Variants in RBM26 observed in about 807,000 individuals in gnomAD.
RBM26 encodes RNA-binding protein 26.
Under a neutral mutation model 123.6 loss-of-function variants are expected in RBM26, and 30 were observed. The ratio of observed to expected loss-of-function variants is 0.24; its 90% CI spans 0.18 to 0.33. The LOEUF is 0.33. Ranked by LOEUF, RBM26 falls within the 10% of genes least tolerant of loss-of-function variation. RBM26 has a pLI of 1.00. For synonymous variants in RBM26, 400 were observed against 404.4 expected, an observed-to-expected ratio of 0.99 and a Z score of 0.13; for missense variants, 947 against 1,203.6, an observed-to-expected ratio of 0.79 and a Z score of 3.15.
intron 14 of RBM26, among the ~76,000 whole-genome samples, chr13:79,346,461 C>G (rs1326132282): frequency 6.6e-6 from 1 of 152,144 alleles, no homozygotes; most frequent in Non-Finnish European, 1.5e-5. Context: ...CTCACTGAAA[C>G]TTCCACCTCA....
At chr13:79,377,121 A>T (rs766404684) in intron 3 of RBM26, 1 of 343,286 alleles carries the variant, frequency 2.9e-6, no homozygotes, top group Non-Finnish European at 5.4e-6. Flanking sequence ...GGACTTTGTA[A>T]GCTTGTGCTT....
chr13:79,388,315 C>T (rs1045431223), intron 1 of RBM26, among the ~76,000 whole-genome samples: 2 of 152,172 alleles, frequency 1.3e-5, no homozygotes, highest in East Asian at 1.9e-4. Flanking sequence ...AGGCTGGTCT[C>T]GAACTTCTGA....
chr13:79,320,310 T>C lies in RBM26; in HGVS notation c.*311A>G. On this transcript the variant is annotated 3_prime_UTR_variant, in exon 22 of 22. Coordinates refer to ENST00000438737, the MANE Select transcript of RBM26 (RefSeq NM_001366735.2). ...AGTTATAACAAGTATTGGTCATAAG[T>C]TTTCAGACCTATTCATTAAATTACA... The C allele has an allele frequency of 2.0e-6, 2 of 1,005,860 alleles. No individual in the cohort carries two copies. Among genetic ancestry groups the C allele is most frequent in the Non-Finnish European group, 2.4e-6 (2 of 840,636 alleles). The allele number at this position is 1,005,860 out of a possible 1,614,324, so 62.3% of individuals were successfully genotyped here. A position where few individuals can be genotyped will look rare whatever the true frequency, so the allele number is the denominator to read the frequency against.
intron 20 of RBM26, among the ~76,000 whole-genome samples, chr13:79,330,626 ATAAC>A (rs2069145116): frequency 6.6e-6 from 1 of 152,194 alleles, no homozygotes; most frequent in Admixed American, 6.5e-5. Context: ...TAACGATAAT[ATAAC>A]TAATATATAA....
Position 79,405,847 on chromosome 13 carries a change from C to A in RBM26, c.-73G>T. On this transcript the variant is annotated 5_prime_UTR_variant, in exon 1 of 22. Transcript: ENST00000438737. ...CGGCCGCTACAGCCGCCGCTGCCCC[C>A]GCCCCCTCCTCCGCGCGCCGCCCGC... 1.1e-6 allele frequency: 1 copy of A among 925,782 alleles called. No homozygotes were observed. Among genetic ancestry groups the A allele is most frequent in the East Asian group, 3.2e-5 (1 of 31,012 alleles). 57.3% of individuals were successfully genotyped at this position (925,782 alleles called of 1,614,324 possible).
At chr13:79,357,175 T>C (rs2074121301) in intron 11 of RBM26, among the ~76,000 whole-genome samples, 1 of 152,096 alleles carries the variant, frequency 6.6e-6, no homozygotes, top group Non-Finnish European at 1.5e-5. Flanking sequence ...AGGGAACCAT[T>C]TCCTTTAAAT....
At chr13:79,341,000 T>C (rs1445925234) in intron 18 of RBM26, 123 bp downstream of exon 18, 2 of 542,976 alleles carry the variant, frequency 3.7e-6, no homozygotes, top group Non-Finnish European at 6.3e-6. Context: ...CATCTCAATA[T>C]GTATGCCAGG....
At chr13:79,360,510 T>C (rs1026541992) in intron 9 of RBM26, among the ~76,000 whole-genome samples, 2 of 151,996 alleles carry the variant, frequency 1.3e-5, no homozygotes, top group Admixed American at 6.6e-5. Context: ...TATATATCAA[T>C]GCACAAATGA....
At chr13:79,404,118 T>C (rs2079299049) in intron 1 of RBM26, among the ~76,000 whole-genome samples, 1 of 152,234 alleles carries the variant, frequency 6.6e-6, no homozygotes, top group Non-Finnish European at 1.5e-5. Context: ...TTCAATGATC[T>C]GCTATCACAC....
intron 14 of RBM26, among the ~76,000 whole-genome samples, chr13:79,352,773 G>A (rs947138469): frequency 3.3e-5 from 5 of 152,128 alleles, no homozygotes; most frequent in East Asian, 1.9e-4. Flanking sequence ...ACTGCCCAAC[G>A]TCATGCAGTT....
At chr13:79,368,654 A>G in intron 6 of RBM26, 76 bp downstream of exon 6, 1 of 1,397,474 alleles carries the variant, frequency 7.2e-7, no homozygotes, top group Non-Finnish European at 9.9e-7. Flanking sequence ...TTGAATAACT[A>G]TGTACAACAT....
intron 5 of RBM26, among the ~76,000 whole-genome samples, chr13:79,370,609 T>A (rs1211419286): frequency 6.6e-6 from 1 of 152,220 alleles, no homozygotes; most frequent in South Asian, 2.1e-4. Flanking sequence ...CAGTAAGAAG[T>A]AGAATAGCGG....
At chr13:79,383,832 G>T (rs1030734007) in intron 1 of RBM26, among the ~76,000 whole-genome samples, 13 of 152,136 alleles carry the variant, frequency 8.5e-5, no homozygotes, top group African/African-American at 3.1e-4. Flanking sequence ...GATAAAACAA[G>T]TATTATTTAA....
exon 5 of RBM26, chr13:79,312,988 T>C (rs1423766797): frequency 1.3e-5 from 2 of 151,880 alleles, no homozygotes; most frequent in Non-Finnish European, 2.9e-5. Context: ...TTGATCTGTA[T>C]TTTGAGCATA....
chr13:79,344,010 TGCA>T (rs1364747159), intron 16 of RBM26, among the ~76,000 whole-genome samples: 1 of 152,036 alleles, frequency 6.6e-6, no homozygotes, highest in African/African-American at 2.4e-5. Context: ...AAAACTACTG[TGCA>T]GCAACACAAC....
Position 79,342,652 on chromosome 13 carries a change from G to A in RBM26, c.2427+12C>T. On this transcript the variant is annotated intron_variant, in intron 17 of 21. Coordinates refer to ENST00000438737, the MANE Select transcript of RBM26 (RefSeq NM_001366735.2). ...AATAAGTAATAATATGAACAACAAT[G>A]AAATTAAATACCTGAGTCTTGGTTT... 1 of 1,437,040 alleles carries A rather than the reference G, an allele frequency of 7.0e-7. No individual in the cohort carries two copies. Among genetic ancestry groups the A allele is most frequent in the South Asian group, 1.2e-5 (1 of 82,894 alleles). The allele number at this position is 1,437,040 out of a possible 1,614,324, so 89.0% of individuals were successfully genotyped here. A position where few individuals can be genotyped will look rare whatever the true frequency, so the allele number is the denominator to read the frequency against.
chr13:79,344,764 T>C lies in RBM26; in HGVS notation c.2089A>G (p.Thr697Ala). 6.2e-7 allele frequency: 1 copy of C among 1,612,922 alleles called. No individual in the cohort carries two copies. Among genetic ancestry groups the C allele is most frequent in the Non-Finnish European group, 8.5e-7 (1 of 1,179,200 alleles). The part of the protein sequence containing the change: ...VLSTSTGLTK[T>A]VYNPAALKAA... ...TTCAAAGCAGCTGGATTATACACTG[T>C]TTTTGTTAGGCCAGTAGATGTAGAC... Residue 697 changes from threonine to alanine, a missense_variant, in exon 15 of 22, where the codon ACA becomes GCA. Coordinates refer to ENST00000438737, the MANE Select transcript of RBM26 (RefSeq NM_001366735.2).
At chr13:79,344,429 T>C (rs2071946319) in intron 15 of RBM26, 107 bp from the exon 16 acceptor site, 1 of 913,564 alleles carries the variant, frequency 1.1e-6, no homozygotes, top group South Asian at 1.5e-5. Flanking sequence ...ACAAAAATTA[T>C]ATGCAAGGCT....
intron 1 of RBM26, among the ~76,000 whole-genome samples, chr13:79,397,680 C>CAAAAACAAAA (rs2078700603): frequency 1.6e-5 from 1 of 63,258 alleles, no homozygotes; most frequent in Non-Finnish European, 2.7e-5. Flanking sequence ...GACTCCATCT[C>CAAAAACAAAA]AAAAAAAAAA....
Sources: allele counts gnomAD v4.1 joint callset (sites outside exome capture counted in the v4.1 genomes callset), GRCh38; gene constraint gnomAD v4.1.1; transcripts MANE v1.5; gene names NCBI Gene and HGNC (gene_info 2026-07-23, HGNC 2026-07-21).